PREX1: variants seen among roughly 807,000 people sequenced by gnomAD.
PREX1 encodes the protein phosphatidylinositol 3,4,5-trisphosphate-dependent Rac exchanger 1 protein.
PREX1 carries 41 observed loss-of-function variants against 198.3 expected under a neutral mutation model. That is an observed-to-expected ratio of 0.21 (90% confidence interval 0.16 to 0.27). The LOEUF is 0.27. PREX1 is among the 10% of genes least tolerant of loss of function. PREX1 has a pLI of 1.00. For synonymous variants in PREX1, 843 were observed against 887.2 expected (o/e 0.95, Z 0.89); for missense variants, 1,620 against 2,200.7 (o/e 0.74, Z 5.28).
intron 1 of PREX1, among the ~76,000 whole-genome samples, chr20:48,799,076 G>C (rs796708825): frequency 1.2e-4 from 18 of 152,190 alleles, no homozygotes; most frequent in African/African-American, 4.3e-4. Flanking sequence ...TAGAGACGGG[G>C]TTTCACCACG....
intron 1 of PREX1, among the ~76,000 whole-genome samples, chr20:48,766,255 T>C (rs932815584): frequency 1.3e-5 from 2 of 152,068 alleles, no homozygotes; most frequent in African/African-American, 4.8e-5. Context: ...TGGAAAAAAA[T>C]GTCTTCCAGG....
intron 10 of PREX1, among the ~76,000 whole-genome samples, chr20:48,686,654 C>A (rs532575863): frequency 6.6e-6 from 1 of 152,198 alleles, no homozygotes; most frequent in Non-Finnish European, 1.5e-5. Flanking sequence ...CAGGCTGCCC[C>A]GCCCCGCCTG....
intron 1 of PREX1, among the ~76,000 whole-genome samples, chr20:48,752,954 T>G (rs1407582686): frequency 6.6e-6 from 1 of 152,228 alleles, no homozygotes; most frequent in East Asian, 1.9e-4. Context: ...TTCTTTCAGC[T>G]GTATACTCTC....
chr20:48,673,493 G>A (rs1210421223), intron 14 of PREX1, among the ~76,000 whole-genome samples: 1 of 152,224 alleles, frequency 6.6e-6, no homozygotes, highest in Admixed American at 6.5e-5. Context: ...GCAGCTCTGA[G>A]CACTGAAGGA....
At chr20:48,798,858 C>A (rs1445129950) in intron 1 of PREX1, among the ~76,000 whole-genome samples, 3 of 152,194 alleles carry the variant, frequency 2.0e-5, no homozygotes, top group Admixed American at 6.5e-5. Flanking sequence ...CGCTTCAGAT[C>A]TATGCAAGAC....
chr20:48,866,579 T>C, the PREX1 span, among the ~76,000 whole-genome samples: 76 of 152,236 alleles, frequency 5.0e-4, 2 homozygotes, highest in African/African-American at 1.8e-3. Flanking sequence ...ATAAATGGGA[T>C]GGGTTGCCCC....
intron 1 of PREX1, among the ~76,000 whole-genome samples, chr20:48,763,976 C>A (rs181177121): frequency 2.0e-5 from 3 of 152,314 alleles, no homozygotes; most frequent in Admixed American, 6.5e-5. Context: ...GCTGACGCGG[C>A]AGCCTCAGAG....
intron 6 of PREX1, among the ~76,000 whole-genome samples, chr20:48,705,358 A>C (rs1237546553): frequency 6.6e-6 from 1 of 152,206 alleles, no homozygotes; most frequent in African/African-American, 2.4e-5. Flanking sequence ...ATCAGGGGGT[A>C]AAAAACACAC....
intron 6 of PREX1, among the ~76,000 whole-genome samples, chr20:48,703,240 C>G (rs890091015): frequency 6.6e-6 from 1 of 152,232 alleles, no homozygotes; most frequent in Non-Finnish European, 1.5e-5. Flanking sequence ...ATTCACTCAA[C>G]AGTGCCAGAG....
At chr20:48,653,210 C>T in intron 20 of PREX1, 151 bp downstream of exon 20, 2 of 1,257,816 alleles carry the variant, frequency 1.6e-6, no homozygotes, top group Non-Finnish European at 2.2e-6. Context: ...GCACAAAGCT[C>T]AGGCCCAGCT....
intron 1 of PREX1, among the ~76,000 whole-genome samples, chr20:48,761,460 A>C (rs928196737): frequency 6.6e-6 from 1 of 152,176 alleles, no homozygotes; most frequent in African/African-American, 2.4e-5. Flanking sequence ...AATCATCTAG[A>C]GTAGACTACT....
intron 13 of PREX1, among the ~76,000 whole-genome samples, chr20:48,678,656 T>A (rs185296884): frequency 6.6e-6 from 1 of 152,244 alleles, no homozygotes; most frequent in African/African-American, 2.4e-5. Context: ...AGTGAATAAG[T>A]CTCACAAGAT....
At chr20:48,644,531 C>T (rs772395567) in intron 26 of PREX1, 34 bp from the exon 27 acceptor site, 48 of 1,587,432 alleles carry the variant, frequency 3.0e-5, no homozygotes, top group Admixed American at 1.4e-4. Flanking sequence ...GCTGAGTCAC[C>T]CTGAGCTCAG....
intron 6 of PREX1, among the ~76,000 whole-genome samples, chr20:48,701,660 A>G (rs2089875264): frequency 6.6e-6 from 1 of 152,148 alleles, no homozygotes; most frequent in African/African-American, 2.4e-5. Flanking sequence ...ACGTATGCCC[A>G]GCACCCACAA....
Position 48,827,668 on chromosome 20 carries a change from C to T in PREX1, c.193G>A (p.Val65Met), listed in dbSNP as rs920644762. 7.4e-7 allele frequency: 1 copy of T among 1,360,422 alleles called. No homozygotes were observed. The highest frequency in any genetic ancestry group is 1.9e-5 in the South Asian group (1 of 52,818). The allele number at this position is 1,360,422 out of a possible 1,614,324, so 84.3% of individuals were successfully genotyped here. The change falls in exon 1 of 40, where the codon GTG becomes ATG. Residue 65 changes from valine (V) to methionine (M), a missense_variant. By Grantham distance (21) the Val-to-Met change is conservative. Around this residue, in one of 7 missense-constraint regions of PREX1, gnomAD observed 96 missense variants for 98.7 expected, o/e 0.97. Coordinates refer to ENST00000371941, the MANE Select transcript of PREX1 (RefSeq NM_020820.4). The surrounding 1 kb of genome is among the most constrained non-coding windows in gnomAD (Gnocchi z 4.1). ...GACTGCAAGAAGCGCAAGGTGCCCA[C>T]GTAGTCCCTCTCGGTGCCCAAGATC... Reference protein sequence around the residue: ...NEILGTERDYVGTLRFLQSAF... With the variant: ...NEILGTERDYMGTLRFLQSAF...
chr20:48,685,767 G>T (rs1476226577), intron 10 of PREX1, among the ~76,000 whole-genome samples: 1 of 152,130 alleles, frequency 6.6e-6, no homozygotes, highest in Non-Finnish European at 1.5e-5. Context: ...TAGCACAGTG[G>T]CACACACCTG....
chr20:48,755,488 T>C (rs2090152456), intron 1 of PREX1, among the ~76,000 whole-genome samples: 2 of 152,308 alleles, frequency 1.3e-5, no homozygotes, highest in East Asian at 3.9e-4. Context: ...ATGTACAACA[T>C]CTTGGAAGTA....
chr20:48,758,497 A>T (rs952254122), intron 1 of PREX1, among the ~76,000 whole-genome samples: 1 of 152,190 alleles, frequency 6.6e-6, no homozygotes, highest in Non-Finnish European at 1.5e-5. Context: ...AGGGCTTTGC[A>T]GCACCGCAGC....
chr20:48,760,953 G>A (rs896948959), intron 1 of PREX1, among the ~76,000 whole-genome samples: 2 of 152,194 alleles, frequency 1.3e-5, no homozygotes, highest in African/African-American at 4.8e-5. Context: ...TCACAAAGTA[G>A]TGGCAGAGAC....
Sources: allele counts gnomAD v4.1 joint callset (sites outside exome capture counted in the v4.1 genomes callset), GRCh38; gene constraint gnomAD v4.1.1; regional missense constraint gnomAD v4.1.1; non-coding constraint Gnocchi (gnomAD v3.1); transcripts MANE v1.5; gene names NCBI Gene and HGNC (gene_info 2026-07-23, HGNC 2026-07-21).